Variants in SGCD observed in about 807,000 individuals in gnomAD.
The protein encoded by SGCD is sarcoglycan delta.
Under a neutral mutation model 36.6 loss-of-function variants are expected in SGCD, and 18 were observed. The ratio of observed to expected loss-of-function variants is 0.49; its 90% CI spans 0.34 to 0.73. SGCD has a LOEUF of 0.73. Ranked by LOEUF, SGCD falls within the 30% of genes least tolerant of loss-of-function variation. The pLI, the probability that SGCD is intolerant of heterozygous loss-of-function variation, is 0.01. For missense variants in SGCD, 387 were observed against 346.7 expected (o/e 1.12, Z -0.92); for synonymous variants, 133 against 130.6 (o/e 1.02, Z -0.12).
chr5:155,807,124 T>A, the SGCD span, among the ~76,000 whole-genome samples: 1 of 152,220 alleles, frequency 6.6e-6, no homozygotes, highest in Non-Finnish European at 1.5e-5. Flanking sequence ...AGGACATTTC[T>A]TTTTTACCAA....
chr5:156,622,703 G>C lies in SGCD; in HGVS notation c.503-24761G>C, dbSNP rs540047560. Among the ~76,000 whole-genome samples, 22 of 152,208 alleles carry C rather than the reference G, an allele frequency of 1.4e-4. 1 individual carries two copies. Among genetic ancestry groups the C allele is most frequent in the African/African-American group, 4.1e-4 (17 of 41,542 alleles). ...CATGTAGAAGTATGACTGGACAAAG[G>C]GGGGTGTGAGCTAATGGTAATGAAC... On this transcript the variant is annotated intron_variant, in intron 6 of 8. Transcript: ENST00000337851.
intron 7 of SGCD, among the ~76,000 whole-genome samples, chr5:156,737,226 T>A (rs990637409): frequency 5.9e-5 from 9 of 152,216 alleles, no homozygotes; most frequent in African/African-American, 2.2e-4. Flanking sequence ...AGTCTATTAC[T>A]GTAGCATTTG....
chr5:155,874,782 G>A (rs555019811), intron 1 of SGCD, among the ~76,000 whole-genome samples: 1 of 152,172 alleles, frequency 6.6e-6, no homozygotes, highest in South Asian at 2.1e-4. Context: ...GTGAGTATGT[G>A]GAGCAAATGG....
At chr5:155,973,730 T>C (rs1024855063) in intron 1 of SGCD, among the ~76,000 whole-genome samples, 1 of 152,170 alleles carries the variant, frequency 6.6e-6, no homozygotes, top group African/African-American at 2.4e-5. Context: ...TTCTGGCTTG[T>C]CCAGTTAATA....
At chr5:156,435,895 T>G (rs1354448671) in intron 3 of SGCD, among the ~76,000 whole-genome samples, 2 of 152,178 alleles carry the variant, frequency 1.3e-5, no homozygotes, top group African/African-American at 4.8e-5. Flanking sequence ...GCAGGCTACC[T>G]TCTGTCCAAG....
chr5:156,634,172 C>T (rs1483370618), intron 6 of SGCD, among the ~76,000 whole-genome samples: 1 of 151,422 alleles, frequency 6.6e-6, no homozygotes, highest in African/African-American at 2.4e-5. Context: ...TTACAGATGG[C>T]AGGAATAGCT....
intron 7 of SGCD, among the ~76,000 whole-genome samples, chr5:156,756,838 CCCCT>C (rs1757353438): frequency 6.7e-6 from 1 of 149,668 alleles, no homozygotes; most frequent in Admixed American, 6.6e-5. Context: ...CAGACCACCT[CCCCT>C]CCCAGCCCCT....
chr5:156,477,862 T>C (rs974100868), intron 3 of SGCD, among the ~76,000 whole-genome samples: 1 of 152,164 alleles, frequency 6.6e-6, no homozygotes, highest in Non-Finnish European at 1.5e-5. Flanking sequence ...TACAAGAATA[T>C]TCTCTGGAAT....
At chr5:155,794,993 C>G in the SGCD span, among the ~76,000 whole-genome samples, 2 of 152,138 alleles carry the variant, frequency 1.3e-5, no homozygotes, top group East Asian at 3.9e-4. Flanking sequence ...ATAATACTGA[C>G]AGCTGACATG....
intron 3 of SGCD, among the ~76,000 whole-genome samples, chr5:156,249,032 A>AC (rs2127659782): frequency 6.6e-6 from 1 of 152,322 alleles, no homozygotes; most frequent in Non-Finnish European, 1.5e-5. Flanking sequence ...GTTCTGAGGT[A>AC]ACTTTGAGAC....
At chr5:155,935,425 G>A (rs746421700) in intron 1 of SGCD, among the ~76,000 whole-genome samples, 1 of 152,126 alleles carries the variant, frequency 6.6e-6, no homozygotes. Context: ...TCATTGTTGT[G>A]GGGGGAGATT....
At chr5:156,166,992 T>G (rs1763230054) in intron 3 of SGCD, among the ~76,000 whole-genome samples, 1 of 152,120 alleles carries the variant, frequency 6.6e-6, no homozygotes, top group Non-Finnish European at 1.5e-5. Flanking sequence ...CTTTTTTCAC[T>G]TTCTTCCTAC....
At chr5:156,116,130 G>A (rs1761900453) in intron 1 of SGCD, among the ~76,000 whole-genome samples, 1 of 151,914 alleles carries the variant, frequency 6.6e-6, no homozygotes, top group African/African-American at 2.4e-5. Context: ...TTTGATTATA[G>A]ACCACAAAGA....
chr5:156,364,450 G>T (rs554817377), intron 3 of SGCD, among the ~76,000 whole-genome samples: 16 of 151,970 alleles, frequency 1.1e-4, no homozygotes, highest in Non-Finnish European at 1.8e-4. Context: ...GGCAGTGCAT[G>T]GCTTATAGGC....
At chr5:156,406,603 T>C (rs1019253441) in intron 3 of SGCD, among the ~76,000 whole-genome samples, 10 of 151,780 alleles carry the variant, frequency 6.6e-5, no homozygotes, top group African/African-American at 2.4e-4. Flanking sequence ...AAGTGGACTT[T>C]TTCAAAAGCA....
At chr5:155,943,618 G>T (rs1757378191) in intron 1 of SGCD, among the ~76,000 whole-genome samples, 1 of 152,106 alleles carries the variant, frequency 6.6e-6, no homozygotes, top group Non-Finnish European at 1.5e-5. Flanking sequence ...TTCATAGTTG[G>T]TATAGATGAG....
chr5:155,936,461 T>C (rs1757204482), intron 1 of SGCD, among the ~76,000 whole-genome samples: 1 of 152,102 alleles, frequency 6.6e-6, no homozygotes, highest in Non-Finnish European at 1.5e-5. Context: ...TAGCTGGTCG[T>C]CCCATCATCC....
chr5:156,079,987 A>T (rs1760909124), intron 1 of SGCD, among the ~76,000 whole-genome samples: 1 of 152,262 alleles, frequency 6.6e-6, no homozygotes, highest in South Asian at 2.1e-4. Context: ...CTGCCCCTGC[A>T]GCAGGCTTCT....
intron 3 of SGCD, among the ~76,000 whole-genome samples, chr5:156,381,165 G>A (rs1200533028): frequency 6.6e-6 from 1 of 152,218 alleles, no homozygotes; most frequent in African/African-American, 2.4e-5. Flanking sequence ...ATTGCCTGCT[G>A]CATTCTAGCA....
Sources: gnomAD v4.1 joint callset for allele counts (sites outside exome capture counted in the v4.1 genomes callset) on GRCh38, gnomAD v4.1.1 for gene constraint, MANE v1.5 for transcripts, NCBI Gene and HGNC (gene_info 2026-07-23, HGNC 2026-07-21) for gene names.